Variants in RAD51B observed in about 807,000 individuals in gnomAD.
RAD51B encodes DNA repair protein RAD51 homolog 2.
Under a neutral mutation model 42.2 loss-of-function variants are expected in RAD51B, and 38 were observed. The ratio of observed to expected loss-of-function variants is 0.90; its 90% confidence interval spans 0.70 to 1.18. The LOEUF is 1.18. Among genes scored for constraint, RAD51B ranks in the 50% most tolerant of loss-of-function variants. The probability of loss-of-function intolerance (pLI) is 0.00; values close to 1 mark genes in which losing one functional copy is unlikely to be tolerated. For missense variants in RAD51B, 373 were observed against 400.7 expected (o/e 0.93, Z 0.59); for synonymous variants, 154 against 145.2 (o/e 1.06, Z -0.43).
chr14:67,885,601 C>T (rs1360136587), intron 5 of RAD51B: 2 of 223,570 alleles, frequency 8.9e-6, no homozygotes, highest in African/African-American at 4.5e-5. Context: ...TATTTAATCC[C>T]AGAAAGATAA....
intron 7 of RAD51B, among the ~76,000 whole-genome samples, chr14:68,236,852 C>T (rs1363718372): frequency 6.6e-6 from 1 of 152,144 alleles, no homozygotes. Flanking sequence ...CTGTTGGCTC[C>T]TCTATATAGA....
At chr14:68,098,576 GC>G (rs1370101999) in intron 7 of RAD51B, among the ~76,000 whole-genome samples, 1 of 152,176 alleles carries the variant, frequency 6.6e-6, no homozygotes, top group East Asian at 1.9e-4. Context: ...CGAGGATGAT[GC>G]AAAAGTGGAA....
rs189099559 is a variant in RAD51B, at chr14:68,536,034, G to C, written c.1037-58451G>C. On this transcript the variant is annotated intron_variant, in intron 10 of 10. Transcript: ENST00000487270. ...GCTGAAGAAGCAGTCTTAGAAATGG[G>C]TAAGAAGCAGGCAAATTCCAGAAAC... 6.6e-5 allele frequency among the ~76,000 whole-genome samples: 10 copies of C among 152,302 alleles called. No individual in the cohort carries two copies. In the East Asian group the frequency reaches 1.9e-3, roughly 29 times the overall value.
intron 9 of RAD51B, among the ~76,000 whole-genome samples, chr14:68,419,524 G>A (rs901670018): frequency 6.6e-6 from 1 of 152,038 alleles, no homozygotes; most frequent in Non-Finnish European, 1.5e-5. Flanking sequence ...ATCTGAATAT[G>A]TGGCTTTTTC....
chr14:68,523,262 G>GCAAAA (rs1886704158), intron 10 of RAD51B, among the ~76,000 whole-genome samples: 2 of 152,178 alleles, frequency 1.3e-5, no homozygotes, highest in African/African-American at 2.4e-5. Context: ...CCTGGGATGG[G>GCAAAA]AAGCCTGAGG....
At chr14:68,374,968 A>G (rs1387255358) in intron 8 of RAD51B, among the ~76,000 whole-genome samples, 1 of 151,572 alleles carries the variant, frequency 6.6e-6, no homozygotes, top group Non-Finnish European at 1.5e-5. Context: ...TGAATCCGAG[A>G]CAATGAAATA....
chr14:67,939,406 A>T (rs2045080019), intron 7 of RAD51B, among the ~76,000 whole-genome samples: 1 of 152,178 alleles, frequency 6.6e-6, no homozygotes, highest in African/African-American at 2.4e-5. Flanking sequence ...TAGAAAATTG[A>T]CAGTAGTAAG....
intron 7 of RAD51B, among the ~76,000 whole-genome samples, chr14:68,121,220 A>G (rs1187216371): frequency 6.6e-6 from 1 of 152,198 alleles, no homozygotes; most frequent in East Asian, 1.9e-4. Context: ...GGCATTTTAC[A>G]TATATTATTT....
At chr14:67,820,037 T>C (rs2040572956) in intron 1 of RAD51B, among the ~76,000 whole-genome samples, 184 bp downstream of exon 1, 2 of 152,268 alleles carry the variant, frequency 1.3e-5, no homozygotes, top group South Asian at 4.1e-4. Context: ...TGGGGGAGCT[T>C]CGGGCCTTCT....
chr14:68,260,071 TG>T (rs35216445), intron 7 of RAD51B, among the ~76,000 whole-genome samples: 1 of 151,714 alleles, frequency 6.6e-6, no homozygotes, highest in South Asian at 2.1e-4. Flanking sequence ...AAAGTGATAA[TG>T]GGGGGGTGTG....
intron 8 of RAD51B, among the ~76,000 whole-genome samples, chr14:68,343,733 G>C (rs1225231020): frequency 6.6e-6 from 1 of 152,356 alleles, no homozygotes; most frequent in South Asian, 2.1e-4. Flanking sequence ...CAGACCCAGA[G>C]CATTATGAGG....
chr14:68,502,065 A>G (rs140825160), intron 10 of RAD51B, among the ~76,000 whole-genome samples: 2 of 152,366 alleles, frequency 1.3e-5, no homozygotes, highest in East Asian at 3.9e-4. Context: ...TGAGCCATCA[A>G]AGGAGCCTCA....
At chr14:68,568,684 C>T (rs956628451) in intron 10 of RAD51B, among the ~76,000 whole-genome samples, 3 of 152,164 alleles carry the variant, frequency 2.0e-5, no homozygotes, top group Non-Finnish European at 4.4e-5. Flanking sequence ...CCCTCTAGAA[C>T]CCTCACTGGG....
At chr14:68,620,897 A>G (rs984945477) in intron 10 of RAD51B, among the ~76,000 whole-genome samples, 8 of 152,210 alleles carry the variant, frequency 5.3e-5, no homozygotes, top group African/African-American at 1.9e-4. Context: ...ATATTGGCTG[A>G]TACAGGAGCC....
intron 7 of RAD51B, among the ~76,000 whole-genome samples, chr14:68,238,334 T>C (rs1158643870): frequency 6.6e-6 from 1 of 152,208 alleles, no homozygotes; most frequent in Non-Finnish European, 1.5e-5. Flanking sequence ...GAGGTCTTGC[T>C]CTGTCGCCCC....
intron 5 of RAD51B, among the ~76,000 whole-genome samples, chr14:67,871,365 C>T (rs895414735): frequency 6.6e-6 from 1 of 152,178 alleles, no homozygotes; most frequent in African/African-American, 2.4e-5. Flanking sequence ...TGGACACATA[C>T]ACTCTCCCAA....
chr14:67,906,310 G>C (rs1464724242), intron 7 of RAD51B, among the ~76,000 whole-genome samples: 1 of 152,014 alleles, frequency 6.6e-6, no homozygotes. Flanking sequence ...TTTTGTTGAG[G>C]ATTTTTGCAT....
At chr14:68,673,821 C>T (rs975341070) in intron 11 of RAD51B, among the ~76,000 whole-genome samples, 6 of 150,810 alleles carry the variant, frequency 4.0e-5, no homozygotes, top group Admixed American at 3.3e-4. Flanking sequence ...TACACACATA[C>T]ACATACTGTA....
At chr14:68,118,150 A>G (rs948489619) in intron 7 of RAD51B, among the ~76,000 whole-genome samples, 2 of 152,238 alleles carry the variant, frequency 1.3e-5, no homozygotes, top group African/African-American at 2.4e-5. Flanking sequence ...AATCTATATC[A>G]GAAAACAGTA....
Sources: gnomAD v4.1 joint callset for allele counts (sites outside exome capture counted in the v4.1 genomes callset) on GRCh38, gnomAD v4.1.1 for gene constraint, MANE v1.5 for transcripts, NCBI Gene and HGNC (gene_info 2026-07-23, HGNC 2026-07-21) for gene names.